Variants in TMC1 observed in about 807,000 individuals in gnomAD.
TMC1 encodes transmembrane channel like 1, also known as transmembrane channel-like protein 1.
Under a neutral mutation model 105.8 loss-of-function variants are expected in TMC1, and 84 were observed. The ratio of observed to expected loss-of-function variants is 0.79; its 90% CI spans 0.67 to 0.95. The LOEUF is 0.95. Ranked by LOEUF, TMC1 falls within the 40% of genes least tolerant of loss-of-function variation. The pLI, the probability that TMC1 is intolerant of heterozygous loss-of-function variation, is 0.00. For synonymous variants in TMC1, 315 were observed against 311.5 expected (o/e 1.01, Z -0.12); for missense variants, 817 against 914.1 (o/e 0.89, Z 1.37).
At chr9:72,705,743 G>A (rs1213435802) in intron 8 of TMC1, among the ~76,000 whole-genome samples, 3 of 152,198 alleles carry the variant, frequency 2.0e-5, no homozygotes, top group Admixed American at 6.5e-5. Flanking sequence ...AACACTCCAA[G>A]TATACTTTTG....
Position 72,674,002 on chromosome 9 carries a change from C to T in TMC1, c.17-14707C>T, listed in dbSNP as rs138415279. On this transcript the variant is annotated intron_variant, in intron 5 of 23. Coordinates refer to ENST00000297784, the MANE Select transcript of TMC1 (RefSeq NM_138691.3). The stretch of plus-strand genomic sequence containing the variant: ...CAGACCACTGTATGCAAGAAGCAAT[C>T]GGAAATTAAAAATTGTAAAATATCA... Among the ~76,000 whole-genome samples, 611 of 151,992 alleles carry T rather than the reference C, an allele frequency of 4.0e-3. 6 individuals are homozygous for T. The highest frequency in any genetic ancestry group is 0.011 in the African/African-American group (475 of 41,460).
chr9:72,690,123 G>A (rs936677724), intron 6 of TMC1, among the ~76,000 whole-genome samples: 3 of 151,504 alleles, frequency 2.0e-5, no homozygotes, highest in African/African-American at 7.3e-5. Flanking sequence ...GTCTTCTATA[G>A]AAATTTTATT....
At chr9:72,551,970 G>A (rs1287865717) in intron 1 of TMC1, among the ~76,000 whole-genome samples, 1 of 152,170 alleles carries the variant, frequency 6.6e-6, no homozygotes, top group East Asian at 1.9e-4. Context: ...GAGCCTCTCA[G>A]AGAGTATGGC....
At chr9:72,575,231 G>C (rs1240220447) in intron 1 of TMC1, among the ~76,000 whole-genome samples, 1 of 152,094 alleles carries the variant, frequency 6.6e-6, no homozygotes, top group Admixed American at 6.6e-5. Context: ...GCCCAGGCTG[G>C]AGTGCAATGC....
chr9:72,590,333 C>A (rs1166732257), intron 2 of TMC1, among the ~76,000 whole-genome samples: 7 of 152,204 alleles, frequency 4.6e-5, no homozygotes. Flanking sequence ...GTGTAGCTTT[C>A]AAGCTGAGTT....
chr9:72,670,247 C>CT (rs1351799025), intron 5 of TMC1, among the ~76,000 whole-genome samples: 2 of 152,138 alleles, frequency 1.3e-5, no homozygotes. Flanking sequence ...AATAGCTCCT[C>CT]TTTCCACCAG....
chr9:72,684,945 TTGTA>T (rs1826350892), intron 5 of TMC1, among the ~76,000 whole-genome samples: 2 of 152,074 alleles, frequency 1.3e-5, no homozygotes, highest in African/African-American at 4.8e-5. Flanking sequence ...AACATCCAAT[TTGTA>T]TGAGAAGGGC....
At chr9:72,813,286 T>C (rs1828733649) in intron 18 of TMC1, among the ~76,000 whole-genome samples, 2 of 152,188 alleles carry the variant, frequency 1.3e-5, no homozygotes, top group Non-Finnish European at 1.5e-5. Context: ...AACCTAATGT[T>C]TATAAAAGCC....
Position 72,555,973 on chromosome 9 carries a change from C to CAAAAAAAAAAAAA in TMC1, c.-427-21910_-427-21898dup, listed in dbSNP as rs59431883. 1.4e-4 allele frequency among the ~76,000 whole-genome samples: 6 copies of CAAAAAAAAAAAAA among 42,566 alleles called. 1 individual carries two copies. Among genetic ancestry groups the CAAAAAAAAAAAAA allele is most frequent in the African/African-American group, 3.8e-4 (4 of 10,470 alleles). The allele number at this position is 42,566 out of a possible 152,430, so 27.9% of individuals were successfully genotyped here. ...CAGGAAAACCAATCTATGACTAAGG[C>CAAAAAAAAAAAAA]AAAAAAAAAAAAAAAAAAAAAAAAA... On this transcript the variant is annotated intron_variant, in intron 1 of 23. Coordinates refer to ENST00000297784, the MANE Select transcript of TMC1 (RefSeq NM_138691.3).
intron 18 of TMC1, among the ~76,000 whole-genome samples, chr9:72,807,666 G>A (rs1210403277): frequency 6.6e-6 from 1 of 152,160 alleles, no homozygotes; most frequent in Non-Finnish European, 1.5e-5. Context: ...ACTATCATAT[G>A]CCAGTCACTG....
chr9:72,761,536 A>G (rs1827755139), intron 12 of TMC1, among the ~76,000 whole-genome samples: 1 of 152,172 alleles, frequency 6.6e-6, no homozygotes, highest in African/African-American at 2.4e-5. Flanking sequence ...TACAATGGGC[A>G]GGAGAGGAGA....
chr9:72,705,922 G>GT (rs1475453336), intron 8 of TMC1, among the ~76,000 whole-genome samples: 1 of 152,164 alleles, frequency 6.6e-6, no homozygotes, highest in Non-Finnish European at 1.5e-5. Flanking sequence ...ATTTATTAAT[G>GT]AGACACCCAG....
chr9:72,527,975 C>T (rs1355412161), intron 1 of TMC1, among the ~76,000 whole-genome samples: 3 of 152,176 alleles, frequency 2.0e-5, no homozygotes, highest in African/African-American at 7.2e-5. Flanking sequence ...CCCCCCTCCC[C>T]GACTCCAGAA....
intron 1 of TMC1, among the ~76,000 whole-genome samples, chr9:72,526,896 G>A (rs940505178): frequency 2.0e-5 from 3 of 152,226 alleles, no homozygotes; most frequent in African/African-American, 7.2e-5. Context: ...ACACCATGCA[G>A]TGTGGTCCAC....
chr9:72,609,786 A>C (rs1466919362), intron 2 of TMC1, among the ~76,000 whole-genome samples: 3 of 151,726 alleles, frequency 2.0e-5, no homozygotes, highest in Non-Finnish European at 4.4e-5. Context: ...TCCTTTTTAC[A>C]TGTCTTTTTT....
rs375205583 is a variant in TMC1 at position 72,612,468 on chromosome 9, C to G, written c.-305-3900C>G. 7.6e-5 allele frequency among the ~76,000 whole-genome samples: 11 copies of G among 145,630 alleles called. No homozygotes were observed. In the East Asian group the frequency reaches 1.0e-3, roughly 14 times the overall value. ...AGATTACAGACAAGAGCCACCACTCCCGGCCCAAACATTTTTTTTTTTTGT... is the reference window on the plus strand; with the variant it reads ...AGATTACAGACAAGAGCCACCACTCGCGGCCCAAACATTTTTTTTTTTTGT... On this transcript the variant is annotated intron_variant, in intron 2 of 23. Coordinates refer to ENST00000297784, the MANE Select transcript of TMC1 (RefSeq NM_138691.3).
chr9:72,584,430 T>C (rs1347974412), intron 2 of TMC1, among the ~76,000 whole-genome samples: 1 of 152,100 alleles, frequency 6.6e-6, no homozygotes, highest in Non-Finnish European at 1.5e-5. Flanking sequence ...CATACCCAGA[T>C]AATTTCTTTT....
intron 1 of TMC1, among the ~76,000 whole-genome samples, chr9:72,562,273 C>A (rs1824068777): frequency 6.6e-6 from 1 of 152,140 alleles, no homozygotes; most frequent in Non-Finnish European, 1.5e-5. Flanking sequence ...GGGTCACTGG[C>A]TTTACATTAT....
intron 1 of TMC1, among the ~76,000 whole-genome samples, chr9:72,527,845 C>G (rs1027824340): frequency 1.2e-4 from 19 of 152,210 alleles, no homozygotes; most frequent in Non-Finnish European, 2.4e-4. Context: ...GCCAATGGCA[C>G]TGCGAGACCC....
Sources: allele counts gnomAD v4.1 joint callset (sites outside exome capture counted in the v4.1 genomes callset), GRCh38; gene constraint gnomAD v4.1.1; transcripts MANE v1.5; gene names NCBI Gene and HGNC (gene_info 2026-07-23, HGNC 2026-07-21).